Variants in GATB observed in about 807,000 individuals in gnomAD.
GATB encodes the protein glutamyl-tRNA(Gln) amidotransferase subunit B, mitochondrial.
A neutral mutation model predicts 62.3 loss-of-function variants in GATB; 39 were observed. The observed-to-expected ratio is 0.63, with a 90% CI of 0.48 to 0.82. GATB has a LOEUF of 0.82. Ranked by LOEUF, GATB falls within the 40% of genes least tolerant of loss-of-function variation. The pLI is 0.00. For synonymous variants in GATB, 276 were observed against 258.9 expected (o/e 1.07, Z -0.63); for missense variants, 670 against 684.0 (o/e 0.98, Z 0.23).
chr4:151,735,432 C>A (rs548124951), intron 2 of GATB, among the ~76,000 whole-genome samples: 13 of 151,980 alleles, frequency 8.6e-5, no homozygotes, highest in Non-Finnish European at 2.9e-5. Flanking sequence ...ATCAAAAAAT[C>A]AAAAAACAGT....
chr4:151,712,319 C>T (rs1374395286), intron 5 of GATB, among the ~76,000 whole-genome samples: 1 of 152,154 alleles, frequency 6.6e-6, no homozygotes, highest in Non-Finnish European at 1.5e-5. Flanking sequence ...CTCAAGTGCA[C>T]AAAAGCTTTA....
intron 2 of GATB, among the ~76,000 whole-genome samples, chr4:151,741,666 G>T (rs921799907): frequency 2.0e-5 from 3 of 152,166 alleles, no homozygotes; most frequent in African/African-American, 7.2e-5. Context: ...TCACCCAGGG[G>T]GAGGCCAGAC....
intron 9 of GATB, among the ~76,000 whole-genome samples, chr4:151,698,984 G>A (rs549924117): frequency 6.6e-6 from 1 of 151,882 alleles, no homozygotes; most frequent in Non-Finnish European, 1.5e-5. Context: ...TATTGTAGTG[G>A]GGTGTGTGTG....
At chr4:151,712,882 G>C (rs759920980) in intron 5 of GATB, among the ~76,000 whole-genome samples, 1 of 152,130 alleles carries the variant, frequency 6.6e-6, no homozygotes, top group African/African-American at 2.4e-5. Flanking sequence ...TCCCCAACCC[G>C]GGGGCCATGG....
rs769933304 is a variant in GATB at position 151,672,887 on chromosome 4, C to T, written c.1420G>A (p.Glu474Lys). 10 of 1,614,136 alleles carry T rather than the reference C, an allele frequency of 6.2e-6. No homozygotes were observed. Among genetic ancestry groups the T allele is most frequent in the Non-Finnish European group, 8.5e-6 (10 of 1,179,988 alleles). ...SSSAAKQVFEELWKREGKTPG... is the reference protein window; with the variant it reads ...SSSAAKQVFEKLWKREGKTPG... ...GTCTTGCCTTCCCTCTTCCACAGTT[C>T]CTCAAACACCTATGGACCAGAGAAG... The change falls in exon 12 of 13, where the codon GAA (glutamate) becomes AAA (lysine). Residue 474 changes from glutamate to lysine, a missense_variant. Physicochemically the swap from Glu to Lys is moderately conservative, Grantham distance 56 (BLOSUM62 1). Transcript: ENST00000263985.
chr4:151,721,433 A>C (rs1370612556), intron 2 of GATB: 4 of 152,198 alleles, frequency 2.6e-5, no homozygotes, highest in Non-Finnish European at 4.4e-5. Flanking sequence ...ATGTGTGGGG[A>C]ACAGGAGGCT....
chr4:151,713,056 A>T (rs914813160), intron 5 of GATB, among the ~76,000 whole-genome samples: 12 of 152,102 alleles, frequency 7.9e-5, no homozygotes, highest in African/African-American at 2.4e-4. Flanking sequence ...AGATTCTCAT[A>T]GGAGCACGAA....
chr4:151,722,316 C>A, intron 2 of GATB: 1 of 666,116 alleles, frequency 1.5e-6, no homozygotes. Context: ...GCAGTGGTGA[C>A]ATGAACCTGC....
intron 1 of GATB, 116 bp downstream of exon 1, chr4:151,760,691 T>C: frequency 1.1e-6 from 1 of 947,462 alleles, no homozygotes; most frequent in East Asian, 2.8e-5. Flanking sequence ...AGGTTATAAC[T>C]CAACGCCCTC....
chr4:151,736,158 A>G (rs1031930751), intron 2 of GATB, among the ~76,000 whole-genome samples: 1 of 152,220 alleles, frequency 6.6e-6, no homozygotes, highest in African/African-American at 2.4e-5. Flanking sequence ...CATAGATTCA[A>G]TTAAGCTATG....
chr4:151,724,593 A>G (rs958544776), intron 2 of GATB: 2 of 152,284 alleles, frequency 1.3e-5, no homozygotes, highest in Non-Finnish European at 2.9e-5. Flanking sequence ...ATGCTCCTGC[A>G]GCCAAACGTG....
chr4:151,688,174 G>A (rs1239173201), intron 10 of GATB, among the ~76,000 whole-genome samples: 16 of 152,124 alleles, frequency 1.1e-4, no homozygotes, highest in Non-Finnish European at 2.2e-4. Context: ...TCCCACTGCA[G>A]AGCGACTCTC....
At chr4:151,687,301 C>T (rs1470034143) in intron 10 of GATB, among the ~76,000 whole-genome samples, 6 of 152,208 alleles carry the variant, frequency 3.9e-5, no homozygotes, top group African/African-American at 4.8e-5. Context: ...GAAGTCAGCA[C>T]GTCTGAAATG....
chr4:151,737,597 G>T (rs1739401245), intron 2 of GATB, among the ~76,000 whole-genome samples: 1 of 152,176 alleles, frequency 6.6e-6, no homozygotes, highest in African/African-American at 2.4e-5. Flanking sequence ...AAGACAGGGG[G>T]AAAATGTCTC....
At chr4:151,708,468 GAA>G (rs1243618864) in intron 5 of GATB, among the ~76,000 whole-genome samples, 1 of 152,022 alleles carries the variant, frequency 6.6e-6, no homozygotes, top group Non-Finnish European at 1.5e-5. Flanking sequence ...GTTTTATACT[GAA>G]GTTTTTTTTC....
At chr4:151,715,148 A>G (rs978655192) in intron 5 of GATB, among the ~76,000 whole-genome samples, 13 of 152,362 alleles carry the variant, frequency 8.5e-5, no homozygotes, top group Middle Eastern at 3.4e-3. Flanking sequence ...ATCATCATCA[A>G]CGGGATTTCC....
rs1437226221 is a variant in GATB, at chr4:151,672,557, T to C, written c.1545+205A>G. 20 of 564,546 alleles carry C rather than the reference T, an allele frequency of 3.5e-5. 1 individual carries two copies. Among genetic ancestry groups the C allele is most frequent in the South Asian group, 1.1e-4 (4 of 35,460 alleles). The allele number at this position is 564,546 out of a possible 1,614,324, so 35.0% of individuals were successfully genotyped here. On this transcript the variant is annotated intron_variant, in intron 12 of 12. Transcript: ENST00000263985. ...AACTCCAGGGGTGGCATCCTTCTTA[T>C]AGGAAAAGAAGTTGTGTTTTTCCAA...
intron 2 of GATB, among the ~76,000 whole-genome samples, chr4:151,731,131 C>G (rs1171441598): frequency 6.7e-6 from 1 of 150,038 alleles, no homozygotes; most frequent in African/African-American, 2.4e-5. Flanking sequence ...CCACGGTCTC[C>G]CTCTCTCTTT....
intron 9 of GATB, among the ~76,000 whole-genome samples, chr4:151,697,985 A>ATATATATGTGTATG (rs1560847800): frequency 7.2e-6 from 1 of 138,276 alleles, no homozygotes; most frequent in African/African-American, 2.9e-5. Context: ...ATATATATAT[A>ATATATATGTGTATG]TATATATATG....
Sources: gnomAD v4.1 joint callset for allele counts (sites outside exome capture counted in the v4.1 genomes callset) on GRCh38, gnomAD v4.1.1 for gene constraint, MANE v1.5 for transcripts, NCBI Gene and HGNC (gene_info 2026-07-23, HGNC 2026-07-21) for gene names.